THSD7A: variants seen among roughly 807,000 people sequenced by gnomAD.
THSD7A encodes the protein thrombospondin type-1 domain-containing protein 7A.
THSD7A carries 96 observed loss-of-function variants against 231.3 expected under a neutral mutation model. That is an observed-to-expected ratio of 0.41 (90% CI 0.35 to 0.49). THSD7A has a LOEUF of 0.49. THSD7A is among the 20% of genes least tolerant of loss of function. The pLI is 0.05. For synonymous variants in THSD7A, 940 were observed against 743.3 expected, an observed-to-expected ratio of 1.26 and a Z score of -4.30; for missense variants, 2,290 against 2,070.2, an observed-to-expected ratio of 1.11 and a Z score of -2.06.
intron 6 of THSD7A, among the ~76,000 whole-genome samples, chr7:11,537,217 C>G (rs558975929): frequency 6.6e-6 from 1 of 152,102 alleles, no homozygotes; most frequent in African/African-American, 2.4e-5. Context: ...TATCTTATTA[C>G]AGAAGGAAGA....
chr7:11,479,889 T>A (rs1786351815), intron 7 of THSD7A, among the ~76,000 whole-genome samples: 1 of 140,960 alleles, frequency 7.1e-6, no homozygotes, highest in Non-Finnish European at 1.6e-5. Context: ...AATAATGTAT[T>A]ATATATTTCA....
At chr7:11,822,524 C>T (rs1784905452) in intron 1 of THSD7A, among the ~76,000 whole-genome samples, 1 of 151,922 alleles carries the variant, frequency 6.6e-6, no homozygotes, top group South Asian at 2.1e-4. Flanking sequence ...GTATAGGTGT[C>T]TTTTGATATA....
intron 1 of THSD7A, among the ~76,000 whole-genome samples, chr7:11,739,455 G>A (rs12671899): frequency 0.14 from 21,467 of 151,852 alleles, 1,691 homozygotes; most frequent in South Asian, 0.28. Context: ...ATGTAATATA[G>A]GGATGAAGAA....
chr7:11,511,878 G>C (rs1039652251), intron 6 of THSD7A, among the ~76,000 whole-genome samples: 3 of 152,082 alleles, frequency 2.0e-5, no homozygotes, highest in Admixed American at 2.0e-4. Context: ...GCATGGGCAA[G>C]GACTTCATGA....
intron 1 of THSD7A, among the ~76,000 whole-genome samples, chr7:11,830,326 C>T (rs1785156433): frequency 6.6e-6 from 1 of 152,214 alleles, no homozygotes; most frequent in Non-Finnish European, 1.5e-5. Context: ...CCTACACTGA[C>T]TTACCTAAGA....
chr7:11,434,261 A>G (rs147131514), intron 13 of THSD7A, among the ~76,000 whole-genome samples: 4 of 152,238 alleles, frequency 2.6e-5, no homozygotes, highest in African/African-American at 9.6e-5. Context: ...AAATGACTTC[A>G]CAATTAGGAT....
intron 20 of THSD7A, 29 bp downstream of exon 20, chr7:11,407,277 G>A (rs772305011): frequency 1.6e-5 from 25 of 1,552,906 alleles, no homozygotes; most frequent in Admixed American, 8.7e-5. Context: ...TTGACCAGTA[G>A]CCTAATATAA....
intron 16 of THSD7A, among the ~76,000 whole-genome samples, chr7:11,422,482 A>T (rs1784178311): frequency 1.3e-5 from 2 of 152,080 alleles, no homozygotes; most frequent in South Asian, 4.1e-4. Flanking sequence ...ATCGCAATCA[A>T]TACTGACCTC....
chr7:11,511,743 G>A (rs1350132801), intron 6 of THSD7A, among the ~76,000 whole-genome samples: 7 of 152,218 alleles, frequency 4.6e-5, no homozygotes, highest in Admixed American at 4.6e-4. Flanking sequence ...GTAGAAAGCT[G>A]AAACTGGATC....
chr7:11,474,735 T>C lies in THSD7A; in HGVS notation c.2018-167A>G, dbSNP rs1786086861. Among the ~76,000 whole-genome samples the C allele has an allele frequency of 6.6e-6, 1 of 152,192 alleles. No homozygotes were observed. The highest frequency in any genetic ancestry group is 2.4e-5 in the African/African-American group (1 of 41,458). ...TATGTGAGATGCTTCAAGGGATACC[T>C]ACAGGGGTTAAAAATAGTTTCTGCT... On this transcript the variant is annotated intron_variant, in intron 7 of 27. Coordinates refer to ENST00000423059, the MANE Select transcript of THSD7A (RefSeq NM_015204.3). The surrounding 1 kb of genome is among the most constrained non-coding windows in gnomAD (Gnocchi z 4.1).
intron 23 of THSD7A, chr7:11,384,143 A>G (rs192013733): frequency 6.6e-6 from 1 of 151,868 alleles, no homozygotes; most frequent in African/African-American, 2.4e-5. Flanking sequence ...CATTTTAAAT[A>G]AATTAATAAA....
intron 1 of THSD7A, among the ~76,000 whole-genome samples, chr7:11,804,821 C>T (rs1784359356): frequency 6.6e-6 from 1 of 152,126 alleles, no homozygotes; most frequent in Admixed American, 6.6e-5. Context: ...CATCTGCGGC[C>T]TCTCGGTCCC....
intron 1 of THSD7A, among the ~76,000 whole-genome samples, chr7:11,778,361 G>T (rs573933990): frequency 1.3e-5 from 2 of 151,752 alleles, no homozygotes; most frequent in African/African-American, 2.4e-5. Context: ...ATTGTTTCTC[G>T]CCATATAAAG....
intron 4 of THSD7A, among the ~76,000 whole-genome samples, chr7:11,553,648 CTTAAT>C (rs543694076): frequency 1.1e-4 from 17 of 152,038 alleles, no homozygotes; most frequent in Admixed American, 7.2e-4. Flanking sequence ...TTTTATTGTT[CTTAAT>C]TTAAAGAGGA....
intron 1 of THSD7A, among the ~76,000 whole-genome samples, chr7:11,690,518 G>T (rs939019233): frequency 1.3e-5 from 2 of 151,656 alleles, no homozygotes; most frequent in African/African-American, 4.8e-5. Flanking sequence ...GCTGCTGTGT[G>T]TGTTTTCCTC....
At chr7:11,379,545 C>T (rs1299360995) in intron 25 of THSD7A, 85 bp downstream of exon 25, 1 of 1,287,512 alleles carries the variant, frequency 7.8e-7, no homozygotes, top group Non-Finnish European at 1.1e-6. Context: ...GACATGCTTT[C>T]TTTGGAGGAA....
intron 6 of THSD7A, among the ~76,000 whole-genome samples, chr7:11,484,808 C>T (rs980989824): frequency 1.3e-5 from 2 of 149,772 alleles, no homozygotes; most frequent in Admixed American, 1.3e-4. Context: ...GATAGCAGCA[C>T]ATGCATCCCC....
In THSD7A at chr7:11,411,515, CAT is replaced by C. The variant is rs1783786570; in HGVS notation, c.3683-195_3683-194del. On this transcript the variant is annotated intron_variant, in intron 18 of 27. Coordinates refer to ENST00000423059, the MANE Select transcript of THSD7A (RefSeq NM_015204.3). This position sits in a 1 kb window ranked among gnomAD's most constrained non-coding sequence, Gnocchi z 4.1. ...GTCAAATGGAATTGCTGGGGTTGCA[CAT>C]AGCTACAGGGATTATTCTTAAAGGC... is the stretch of plus-strand genomic sequence containing the variant. 6.6e-6 allele frequency among the ~76,000 whole-genome samples: 1 copy of C among 152,176 alleles called. No individual in the cohort carries two copies. Among genetic ancestry groups the C allele is most frequent in the South Asian group, 2.1e-4 (1 of 4,832 alleles).
intron 6 of THSD7A, among the ~76,000 whole-genome samples, chr7:11,515,310 G>C (rs1423994896): frequency 2.6e-5 from 4 of 152,052 alleles, no homozygotes. Context: ...CAACAAGTTT[G>C]CTATGGAACA....
Sources: allele counts gnomAD v4.1 joint callset (sites outside exome capture counted in the v4.1 genomes callset), GRCh38; gene constraint gnomAD v4.1.1; non-coding constraint Gnocchi (gnomAD v3.1); transcripts MANE v1.5; gene names NCBI Gene and HGNC (gene_info 2026-07-23, HGNC 2026-07-21).